The following SEC14L5 variants were observed in gnomAD, a reference collection of about 807,000 sequenced individuals.
SEC14L5 encodes SEC14 like lipid binding 5.
In SEC14L5, 96 loss-of-function variants were observed where a neutral mutation model predicts 84.6. That is an observed-to-expected ratio of 1.13 (90% CI 0.96 to 1.34). The LOEUF (loss-of-function observed/expected upper bound fraction) is 1.34, where lower values mean the gene tolerates loss of function less well. SEC14L5 is among the 40% of genes most tolerant of loss of function. The pLI is 0.00. For missense variants in SEC14L5, 1,224 were observed against 942.5 expected, an observed-to-expected ratio of 1.30 and a Z score of -3.91; for synonymous variants, 546 against 383.4, an observed-to-expected ratio of 1.42 and a Z score of -4.95.
At chr16:4,975,472 C>CAA (rs55786860) in intron 2 of SEC14L5, among the ~76,000 whole-genome samples, 32,422 of 77,024 alleles carry the variant, frequency 0.42, 7,264 homozygotes, top group Middle Eastern at 0.46. Flanking sequence ...AACTCCATCT[C>CAA]AAAAAAAAAA....
At chr16:5,011,412 C>T (rs1596647151) in intron 15 of SEC14L5, 139 bp downstream of exon 15, 1 of 783,130 alleles carries the variant, frequency 1.3e-6, no homozygotes, top group Non-Finnish European at 2.0e-6. Context: ...TTGGAGTTCT[C>T]AGGTGACACA....
At chr16:5,014,362 A>G (rs1208503128) in intron 15 of SEC14L5, among the ~76,000 whole-genome samples, 1 of 152,194 alleles carries the variant, frequency 6.6e-6, no homozygotes, top group Non-Finnish European at 1.5e-5. Context: ...CAGCCTGGGC[A>G]GCATAGTGAG....
chr16:4,965,087 C>T (rs1414245261), intron 2 of SEC14L5, among the ~76,000 whole-genome samples: 2 of 152,134 alleles, frequency 1.3e-5, no homozygotes, highest in African/African-American at 4.8e-5. Context: ...ACATAAAAAG[C>T]TATATGTCTT....
intron 6 of SEC14L5, 30 bp downstream of exon 6, chr16:4,992,060 CT>C: frequency 6.9e-7 from 1 of 1,442,762 alleles, no homozygotes; most frequent in Non-Finnish European, 9.2e-7. Flanking sequence ...CCAGTCAGCC[CT>C]AGGAGGCTGC....
chr16:4,998,061 T>C (rs1475088098), intron 8 of SEC14L5, among the ~76,000 whole-genome samples: 1 of 144,254 alleles, frequency 6.9e-6, no homozygotes, highest in Admixed American at 7.3e-5. Flanking sequence ...TGGAGTGCAA[T>C]GGTGTGATCT....
At chr16:4,964,851 C>G (rs1045111612) in intron 2 of SEC14L5, among the ~76,000 whole-genome samples, 2 of 152,042 alleles carry the variant, frequency 1.3e-5, no homozygotes, top group African/African-American at 4.8e-5. Flanking sequence ...CTGTCTCACC[C>G]TCCTGAGTAG....
intron 2 of SEC14L5, among the ~76,000 whole-genome samples, chr16:4,986,821 A>T (rs1425217628): frequency 6.6e-6 from 1 of 151,898 alleles, no homozygotes; most frequent in Non-Finnish European, 1.5e-5. Flanking sequence ...TTTTATTTTC[A>T]GTTTGCTCAT....
At chr16:5,001,135 C>T (rs549385111) in intron 10 of SEC14L5, among the ~76,000 whole-genome samples, 1 of 152,186 alleles carries the variant, frequency 6.6e-6, no homozygotes, top group East Asian at 1.9e-4. Context: ...ATGGTGGCCC[C>T]CATCGAAGCT....
rs149906357 is a variant in SEC14L5, at chr16:5,001,503, C to T, written c.1130+578C>T. ...CTCGGTCTCCTGACCTCGTGATCCG[C>T]CTGCCTCGGCCTCCCAAAGTGCTGG... On this transcript the variant is annotated intron_variant, in intron 10 of 15. Transcript: ENST00000251170. Among the ~76,000 whole-genome samples, 894 of 152,288 alleles carry T rather than the reference C, an allele frequency of 5.9e-3. 6 individuals carry two copies. Among genetic ancestry groups the T allele is most frequent in the African/African-American group, 0.021 (854 of 41,552 alleles).
chr16:4,991,774 T>G lies in SEC14L5; in HGVS notation c.475-64T>G, dbSNP rs74005456. The G allele has an allele frequency of 3.7e-3, 4,326 of 1,157,296 alleles. 104 individuals carry two copies. The African/African-American group carries it at 0.057, about 15-fold the overall frequency. The allele number at this position is 1,157,296 out of a possible 1,614,324, so 71.7% of individuals were successfully genotyped here. Reference sequence around the variant, plus strand: ...GCCGGCTGGGGGTGACTCCCTGTGGTGATCCTGTGACCCCCCTCCATCCTG... The same window carrying G: ...GCCGGCTGGGGGTGACTCCCTGTGGGGATCCTGTGACCCCCCTCCATCCTG... On this transcript the variant is annotated intron_variant, in intron 5 of 15. Transcript: ENST00000251170.
intron 2 of SEC14L5, among the ~76,000 whole-genome samples, chr16:4,961,140 G>T (rs149885620): frequency 1.2e-3 from 178 of 152,218 alleles, no homozygotes; most frequent in African/African-American, 4.0e-3. Context: ...GGGCGTGGTG[G>T]CGCGCACCTG....
In SEC14L5 at chr16:4,991,870, G is replaced by C. The variant is rs371342034; in HGVS notation, c.507G>C (p.Glu169Asp). The C allele has an allele frequency of 1.1e-5, 17 of 1,609,736 alleles. No individual in the cohort carries two copies. The African/African-American group carries it at 2.1e-4, about 20-fold the overall frequency. The change falls in exon 6 of 16, where the codon GAG (glutamate) becomes GAC (aspartate). Residue 169 changes from glutamate to aspartate, a missense_variant. Glu to Asp is a conservative substitution (Grantham distance 45). Coordinates refer to ENST00000251170, the MANE Select transcript of SEC14L5 (RefSeq NM_014692.2). ...AGGTGATTGAGCATTACCTGAATGA[G>C]CTCATCTCCCAGGGTACCTCGCACA... Reference protein sequence around the residue: ...GKEVIEHYLNELISQGTSHIP... With the variant: ...GKEVIEHYLNDLISQGTSHIP...
chr16:5,002,354 TG>T (rs1243168222), intron 10 of SEC14L5, among the ~76,000 whole-genome samples: 1 of 147,116 alleles, frequency 6.8e-6, no homozygotes, highest in East Asian at 2.0e-4. Flanking sequence ...TGGAGTACAG[TG>T]GTGCAATCTT....
In SEC14L5 at chr16:5,011,111, G is replaced by C. The variant is rs372747051; in HGVS notation, c.1817G>C (p.Arg606Pro). The change falls in exon 15 of 16, where the codon CGG (arginine) becomes CCG (proline). Residue 606 changes from arginine (R) to proline (P), a missense_variant. Physicochemically the swap from Arg to Pro is moderately radical, Grantham distance 103. Transcript: ENST00000251170. ...GTGTTTCAGGGCTCCCATGTGACCC[G>C]GTGGCCCGGCGTCTACCTGCTCCAG... Reference protein sequence around the residue: ...GESIQGSHVTRWPGVYLLQWQ... With the variant: ...GESIQGSHVTPWPGVYLLQWQ... 3 of 1,604,212 alleles carry C rather than the reference G, an allele frequency of 1.9e-6. No homozygotes were observed. The South Asian group carries it at 3.4e-5, about 18-fold the overall frequency.
chr16:4,984,408 C>T (rs1459255612), intron 2 of SEC14L5, among the ~76,000 whole-genome samples: 1 of 152,218 alleles, frequency 6.6e-6, no homozygotes, highest in Non-Finnish European at 1.5e-5. Context: ...CATTTTATGG[C>T]TAGACCACCA....
Position 4,991,162 on chromosome 16 carries a change from C to CTT in SEC14L5, c.474+291_474+292dup, listed in dbSNP as rs35980290. ...CTGGACAACAGATAATTCTGTGGTGCTTTTTTTTTTTTTTTTTTTTTTTTT... is the reference window on the plus strand; with the variant it reads ...CTGGACAACAGATAATTCTGTGGTGCTTTTTTTTTTTTTTTTTTTTTTTTTTT... On this transcript the variant is annotated intron_variant, in intron 5 of 15. Transcript: ENST00000251170. 2.1e-3 allele frequency among the ~76,000 whole-genome samples: 179 copies of CTT among 85,436 alleles called. 1 individual carries two copies. Among genetic ancestry groups the CTT allele is most frequent in the African/African-American group, 3.0e-3 (68 of 22,682 alleles). 56.0% of individuals were successfully genotyped at this position (85,436 alleles called of 152,430 possible). A position where few individuals can be genotyped will look rare whatever the true frequency, so the allele number is the denominator to read the frequency against.
At position 5,014,851 on chromosome 16, in the gene SEC14L5, C is replaced by T. The variant is rs1254632157; in HGVS notation, c.1980-8C>T. On this transcript the variant is annotated splice_polypyrimidine_tract_variant and splice_region_variant and intron_variant, in intron 15 of 15. Coordinates refer to ENST00000251170, the MANE Select transcript of SEC14L5 (RefSeq NM_014692.2). Reference sequence around the variant, plus strand: ...GAGGGTAACGTGTGCCACGCCCTTCCTCCCCAGGGGCTCCATGTCCAGCCT... The same window carrying T: ...GAGGGTAACGTGTGCCACGCCCTTCTTCCCCAGGGGCTCCATGTCCAGCCT... The T allele has an allele frequency of 6.2e-7, 1 of 1,611,420 alleles. No individual in the cohort carries two copies. Among genetic ancestry groups the T allele is most frequent in the Admixed American group, 1.7e-5 (1 of 59,966 alleles).
intron 2 of SEC14L5, among the ~76,000 whole-genome samples, chr16:4,962,165 C>CAAAAAAAAAAAAA (rs540573784): frequency 1.4e-5 from 1 of 72,980 alleles, no homozygotes; most frequent in Non-Finnish European, 2.7e-5. Flanking sequence ...GACTCTGTCT[C>CAAAAAAAAAAAAA]AAAAAAAAAA....
rs1028846945 is a variant in SEC14L5, at chr16:4,998,758, A to T, written c.970+1714A>T. Among the ~76,000 whole-genome samples, 59 of 138,206 alleles carry T rather than the reference A, an allele frequency of 4.3e-4. No individual in the cohort carries two copies. The South Asian group carries it at 5.4e-3, about 13-fold the overall frequency. 90.7% of individuals were successfully genotyped at this position (138,206 alleles called of 152,430 possible). On this transcript the variant is annotated intron_variant, in intron 8 of 15. Transcript: ENST00000251170. ...GTCTCAAAAAAAAAAAAAAAAAAAA[A>T]AAAAAAAATAAACGTTCATCTATAT...
Sources: gnomAD v4.1 joint callset for allele counts (sites outside exome capture counted in the v4.1 genomes callset) on GRCh38, gnomAD v4.1.1 for gene constraint, MANE v1.5 for transcripts, NCBI Gene and HGNC (gene_info 2026-07-23, HGNC 2026-07-21) for gene names.